TNFRSF10D: variants seen among roughly 807,000 people sequenced by gnomAD.
TNFRSF10D encodes the protein TNF receptor superfamily member 10d, also known as tumor necrosis factor receptor superfamily member 10D.
A neutral mutation model predicts 42.1 loss-of-function variants in TNFRSF10D; 28 were observed. That is an observed-to-expected ratio of 0.66 (90% confidence interval 0.49 to 0.91). The LOEUF (loss-of-function observed/expected upper bound fraction) is 0.91. Ranked by LOEUF, TNFRSF10D falls within the 40% of genes least tolerant of loss-of-function variation. TNFRSF10D has a pLI of 0.00. For missense variants in TNFRSF10D, 503 were observed against 486.1 expected (o/e 1.03, Z -0.33); for synonymous variants, 186 against 189.4 (o/e 0.98, Z 0.15).
At chr8:23,140,244 G>C (rs62501091) in intron 7 of TNFRSF10D, among the ~76,000 whole-genome samples, 3 of 151,850 alleles carry the variant, frequency 2.0e-5, no homozygotes, top group Non-Finnish European at 4.4e-5. Context: ...AGCTGAGATC[G>C]CGCCACTGCA....
intron 2 of TNFRSF10D, among the ~76,000 whole-genome samples, chr8:23,152,865 T>C (rs1201605919): frequency 5.9e-3 from 904 of 151,990 alleles, no homozygotes; most frequent in African/African-American, 0.019. Context: ...ATAGACAAAA[T>C]AAATCTAAAA....
intron 2 of TNFRSF10D, among the ~76,000 whole-genome samples, chr8:23,151,747 A>T (rs1585262860): frequency 6.6e-6 from 1 of 152,136 alleles, no homozygotes; most frequent in East Asian, 1.9e-4. Flanking sequence ...CCTAACTTAC[A>T]AATTCAGTAG....
rs371836098 is a variant in TNFRSF10D at position 23,138,016 on chromosome 8, A to G, written c.1028-13T>C. On this transcript the variant is annotated splice_polypyrimidine_tract_variant and intron_variant, in intron 8 of 8. Transcript: ENST00000312584. ...AGCAAGGTGCTGACTGAGAAGAGAG[A>G]AGAGATTTAGGGTCTCAATGCTCCA... 18 of 1,613,716 alleles carry G rather than the reference A, an allele frequency of 1.1e-5. No homozygotes were observed. Among genetic ancestry groups the G allele is most frequent in the Non-Finnish European group, 1.5e-5 (18 of 1,179,858 alleles).
At chr8:23,152,352 G>T (rs1031293732) in intron 2 of TNFRSF10D, among the ~76,000 whole-genome samples, 3 of 152,256 alleles carry the variant, frequency 2.0e-5, no homozygotes, top group East Asian at 3.9e-4. Context: ...AGGACCCGTG[G>T]GACTACACCT....
At chr8:23,152,937 A>AGAACAAT (rs1359612311) in intron 2 of TNFRSF10D, among the ~76,000 whole-genome samples, 1 of 152,248 alleles carries the variant, frequency 6.6e-6, no homozygotes, top group Admixed American at 6.5e-5. Context: ...ACAAACAAAA[A>AGAACAAT]GAACAATGAT....
intron 1 of TNFRSF10D, among the ~76,000 whole-genome samples, chr8:23,157,684 C>A (rs143942367): frequency 6.1e-3 from 927 of 152,224 alleles, no homozygotes; most frequent in African/African-American, 0.019. Flanking sequence ...ATGTGTTCTG[C>A]AGCTGTATTA....
intron 7 of TNFRSF10D, among the ~76,000 whole-genome samples, chr8:23,143,570 G>C (rs189588253): frequency 1.3e-5 from 2 of 151,952 alleles, no homozygotes; most frequent in Non-Finnish European, 2.9e-5. Flanking sequence ...TAAAAAAAAT[G>C]GGGTATAGTT....
chr8:23,145,814 T>C lies in TNFRSF10D; in HGVS notation c.590A>G (p.Glu197Gly). The C allele has an allele frequency of 1.2e-6, 2 of 1,614,170 alleles. No individual in the cohort carries two copies. The highest frequency in any genetic ancestry group is 1.7e-6 in the Non-Finnish European group (2 of 1,180,018). ...CATCCCCAGGATGGTGGTCACTGTC[T>C]CCTCCGCTGCTGGGGTTTTCCCAGT... The part of the protein sequence containing the change: ...SSTGKTPAAE[E>G]TVTTILGMLA... The change falls in exon 5 of 9, where the codon GAG (glutamate) becomes GGG (glycine). Residue 197 changes from glutamate (E) to glycine (G), a missense_variant. Coordinates refer to ENST00000312584, the MANE Select transcript of TNFRSF10D (RefSeq NM_003840.5).
At chr8:23,158,310 A>AG (rs1800309187) in intron 1 of TNFRSF10D, among the ~76,000 whole-genome samples, 1 of 152,154 alleles carries the variant, frequency 6.6e-6, no homozygotes. Context: ...CCTTCAACGT[A>AG]GGGTAACTCG....
In TNFRSF10D at chr8:23,138,251, C is replaced by T. The variant is rs773482272; in HGVS notation, c.964G>A (p.Glu322Lys). Residue 322 changes from glutamate to lysine, a missense_variant, in exon 8 of 9, where the codon GAA becomes AAA. Physicochemically the swap from Glu to Lys is moderately conservative, Grantham distance 56 (BLOSUM62 1). Transcript: ENST00000312584. ...CTCCTCCTCTGACACCCTTCAGCTT[C>T]TGCCTGTTCCTGTAACACACAGTGG... Reference protein sequence around the residue: ...EEPQRLLEQAEAEGCQRRRLL... With the variant: ...EEPQRLLEQAKAEGCQRRRLL... 6.2e-6 allele frequency: 10 copies of T among 1,614,122 alleles called. No homozygotes were observed. In the South Asian group the frequency reaches 6.6e-5, roughly 11 times the overall value.
chr8:23,148,761 C>G (rs1308316739), intron 2 of TNFRSF10D, among the ~76,000 whole-genome samples: 1 of 151,512 alleles, frequency 6.6e-6, no homozygotes, highest in African/African-American at 2.4e-5. Flanking sequence ...AAATCACATG[C>G]AAAATTCAAA....
chr8:23,149,530 T>C (rs1163225536), intron 2 of TNFRSF10D, among the ~76,000 whole-genome samples: 1 of 147,922 alleles, frequency 6.8e-6, no homozygotes, highest in Admixed American at 6.7e-5. Context: ...TGAGCCACCA[T>C]GCCACGCCCA....
chr8:23,142,315 T>C (rs1396701880), intron 7 of TNFRSF10D, among the ~76,000 whole-genome samples: 4 of 151,398 alleles, frequency 2.6e-5, no homozygotes, highest in South Asian at 2.1e-4. Context: ...AAGACACCAC[T>C]ATCCATAATA....
At chr8:23,162,941 A>T (rs1364694999) in intron 1 of TNFRSF10D, among the ~76,000 whole-genome samples, 1 of 151,916 alleles carries the variant, frequency 6.6e-6, no homozygotes. Context: ...GTTTTTGTTA[A>T]GGCAGAGTCT....
chr8:23,148,384 C>A, intron 3 of TNFRSF10D, 54 bp downstream of exon 3: 2 of 1,434,466 alleles, frequency 1.4e-6, no homozygotes, highest in Non-Finnish European at 2.0e-6. Flanking sequence ...GCTACAGCTC[C>A]CACCTCATCA....
rs1386491230 is a variant in TNFRSF10D at position 23,136,037 on chromosome 8, A to C, written c.*1833T>G. ...CTCCTAAAACTCCATGGACACAACA[A>C]TCTGAATGTGCGAACTTCAGGCAGT... is the stretch of plus-strand genomic sequence containing the variant. On this transcript the variant is annotated 3_prime_UTR_variant, in exon 9 of 9. Coordinates refer to ENST00000312584, the MANE Select transcript of TNFRSF10D (RefSeq NM_003840.5). The C allele has an allele frequency of 4.2e-3, 1,693 of 404,022 alleles. No individual in the cohort carries two copies. The highest frequency in any genetic ancestry group is 0.02 in the African/African-American group (967 of 48,788). The allele number at this position is 404,022 out of a possible 1,614,324, so 25.0% of individuals were successfully genotyped here.
At chr8:23,144,893 T>G (rs1035251283) in intron 6 of TNFRSF10D, among the ~76,000 whole-genome samples, 165 bp downstream of exon 6, 2 of 151,960 alleles carry the variant, frequency 1.3e-5, no homozygotes, top group African/African-American at 4.8e-5. Context: ...TGTGTGCTGC[T>G]CAAAATGGCC....
chr8:23,140,112 A>T (rs1814425156), intron 7 of TNFRSF10D, among the ~76,000 whole-genome samples: 1 of 152,160 alleles, frequency 6.6e-6, no homozygotes, highest in East Asian at 1.9e-4. Context: ...ACACGGTGAA[A>T]CCCCACCTCT....
chr8:23,138,397 T>C lies in TNFRSF10D; in HGVS notation c.955-137A>G, dbSNP rs1232869144. On this transcript the variant is annotated intron_variant, in intron 7 of 8. Transcript: ENST00000312584. ...CATGGAGATGGAGACAAACCTCTGGTCCTCCATAGCTCTTGGGCTCTGTGT... is the reference window on the plus strand; with the variant it reads ...CATGGAGATGGAGACAAACCTCTGGCCCTCCATAGCTCTTGGGCTCTGTGT... 3 of 819,638 alleles carry C rather than the reference T, an allele frequency of 3.7e-6. No individual in the cohort carries two copies. The African/African-American group carries it at 5.1e-5, about 14-fold the overall frequency. 50.8% of individuals were successfully genotyped at this position (819,638 alleles called of 1,614,324 possible). A position where few individuals can be genotyped will look rare whatever the true frequency, so the allele number is the denominator to read the frequency against.
Sources: allele counts gnomAD v4.1 joint callset (sites outside exome capture counted in the v4.1 genomes callset), GRCh38; gene constraint gnomAD v4.1.1; transcripts MANE v1.5; gene names NCBI Gene and HGNC (gene_info 2026-07-23, HGNC 2026-07-21).